Variants in LMO7 observed in about 807,000 individuals in gnomAD.
LMO7 encodes the protein LIM domain only protein 7.
Under a neutral mutation model 206.5 loss-of-function variants are expected in LMO7, and 120 were observed. The observed-to-expected ratio is 0.58, with a 90% CI of 0.50 to 0.68. The LOEUF (loss-of-function observed/expected upper bound fraction) is 0.68, where lower values mean the gene tolerates loss of function less well. Among genes scored for constraint, LMO7 ranks in the 30% least tolerant of loss-of-function variants. LMO7 has a pLI of 0.00. For missense variants in LMO7, 1,959 were observed against 1,957.9 expected (o/e 1.00, Z -0.01); for synonymous variants, 706 against 681.5 (o/e 1.04, Z -0.56).
intron 3 of LMO7, among the ~76,000 whole-genome samples, chr13:75,733,334 G>A (rs1377276738): frequency 1.3e-5 from 2 of 152,236 alleles, no homozygotes; most frequent in East Asian, 1.9e-4. Context: ...GCAATGGCGG[G>A]CGCCCCTCCC....
At chr13:75,852,826 G>A (rs1326052200) in intron 27 of LMO7, among the ~76,000 whole-genome samples, 1 of 152,152 alleles carries the variant, frequency 6.6e-6, no homozygotes, top group African/African-American at 2.4e-5. Context: ...GCATGATTGA[G>A]GTGGATTAGG....
Position 75,838,168 on chromosome 13 carries a change from A to G in LMO7, c.3423A>G (p.Leu1141=). The change falls in exon 20 of 31, where the codon TTA becomes TTG. Residue 1141 remains leucine (L), a synonymous_variant. Transcript: ENST00000377534. The part of the protein sequence containing the change: ...KASESISLKN[L]KRRSQFFEQG... ...CTGAATCCATTTCTTTGAAAAACTTAAAAAGGCGATCACAATTTTTTGAAC... is the reference window on the plus strand; with the variant it reads ...CTGAATCCATTTCTTTGAAAAACTTGAAAAGGCGATCACAATTTTTTGAAC... 6.2e-7 allele frequency: 1 copy of G among 1,604,516 alleles called. No individual in the cohort carries two copies. Among genetic ancestry groups the G allele is most frequent in the Non-Finnish European group, 8.5e-7 (1 of 1,171,588 alleles).
In LMO7 at chr13:75,821,122, C is replaced by T; in HGVS notation, c.2208-55C>T. ...TCATGCGTTGATTACTCTCTCACCA[C>T]CTCTGTGTGTCAAATGTGTGTCTTT... On this transcript the variant is annotated intron_variant, in intron 13 of 30. Coordinates refer to ENST00000377534, the MANE Select transcript of LMO7 (RefSeq NM_001306080.2). 3.6e-6 allele frequency: 5 copies of T among 1,402,896 alleles called. No homozygotes were observed. In the South Asian group the frequency reaches 5.6e-5, roughly 16 times the overall value. 86.9% of individuals were successfully genotyped at this position (1,402,896 alleles called of 1,614,324 possible).
chr13:75,733,106 G>A (rs192829301), intron 3 of LMO7, among the ~76,000 whole-genome samples: 2,430 of 152,320 alleles, frequency 0.016, 30 homozygotes, highest in Non-Finnish European at 0.023. Flanking sequence ...CAGTCTCCCC[G>A]TTCTCAGATC....
chr13:75,779,863 C>G (rs1344889498), intron 4 of LMO7, among the ~76,000 whole-genome samples: 1 of 151,864 alleles, frequency 6.6e-6, no homozygotes, highest in Non-Finnish European at 1.5e-5. Context: ...TTCTATTTTC[C>G]CTAAGTGTCA....
At chr13:75,813,313 G>A (rs748998696) in intron 11 of LMO7, among the ~76,000 whole-genome samples, 1 of 152,196 alleles carries the variant, frequency 6.6e-6, no homozygotes, top group Non-Finnish European at 1.5e-5. Flanking sequence ...AAACAATCAT[G>A]TTTGCTTTAA....
chr13:75,656,819 T>C (rs2139205743), intron 1 of LMO7, among the ~76,000 whole-genome samples: 1 of 152,332 alleles, frequency 6.6e-6, no homozygotes, highest in Admixed American at 6.5e-5. Context: ...ATTAGACTTC[T>C]GGAGCCTCCT....
intron 3 of LMO7, among the ~76,000 whole-genome samples, chr13:75,728,169 T>G (rs1204071537): frequency 1.3e-5 from 2 of 152,198 alleles, no homozygotes; most frequent in Admixed American, 6.5e-5. Flanking sequence ...AAATGGTATT[T>G]CTCGTTCTAG....
At chr13:75,639,357 A>G (rs1416658459) in intron 1 of LMO7, among the ~76,000 whole-genome samples, 2 of 152,222 alleles carry the variant, frequency 1.3e-5, no homozygotes, top group Admixed American at 6.5e-5. Context: ...TAATTTTGCA[A>G]TTCAAAGCAA....
chr13:75,663,466 T>C (rs897760134), intron 1 of LMO7, among the ~76,000 whole-genome samples: 2 of 137,568 alleles, frequency 1.5e-5, no homozygotes. Context: ...AGCCTCGCTC[T>C]GTCGCCCAGG....
intron 1 of LMO7, among the ~76,000 whole-genome samples, chr13:75,668,210 A>G (rs1275772132): frequency 6.6e-6 from 1 of 152,146 alleles, no homozygotes; most frequent in African/African-American, 2.4e-5. Flanking sequence ...TCTGTCTCGA[A>G]AAAGAACCAA....
At chr13:75,753,695 C>G (rs1284352621) in intron 3 of LMO7, among the ~76,000 whole-genome samples, 1 of 152,166 alleles carries the variant, frequency 6.6e-6, no homozygotes, top group Non-Finnish European at 1.5e-5. Context: ...ACTTCTCCTT[C>G]CTTCTGCCAT....
chr13:75,658,646 C>T (rs563437395), intron 1 of LMO7, among the ~76,000 whole-genome samples: 75 of 152,202 alleles, frequency 4.9e-4, no homozygotes, highest in African/African-American at 1.1e-3. Flanking sequence ...TGCAGTGGCG[C>T]GATCTCGGCT....
rs149975369 is a variant in LMO7, at chr13:75,639,499, A to C, written c.69+2773A>C. 6.6e-4 allele frequency among the ~76,000 whole-genome samples: 100 copies of C among 152,352 alleles called. 1 individual carries two copies. Among genetic ancestry groups the C allele is most frequent in the African/African-American group, 2.3e-3 (96 of 41,586 alleles). On this transcript the variant is annotated intron_variant, in intron 1 of 30. Coordinates refer to ENST00000377534, the MANE Select transcript of LMO7 (RefSeq NM_001306080.2). ...ATTAAACACTGGTTTAAAACCAAGT[A>C]ATGGTTTCAAGGCAAAGGCAGAGGA...
intron 2 of LMO7, chr13:75,627,957 A>T (rs2034432429): frequency 9.1e-5 from 1 of 11,018 alleles, no homozygotes; most frequent in African/African-American, 2.5e-4. Flanking sequence ...CTACTTGTTA[A>T]AAAAAAAAAA....
At chr13:75,705,424 G>A (rs774358998) in intron 1 of LMO7, among the ~76,000 whole-genome samples, 1 of 152,116 alleles carries the variant, frequency 6.6e-6, no homozygotes, top group Non-Finnish European at 1.5e-5. Context: ...TTTTAGGTGG[G>A]GATGATTTTA....
chr13:75,822,006 T>G (rs112682704), intron 14 of LMO7, among the ~76,000 whole-genome samples: 182 of 152,340 alleles, frequency 1.2e-3, no homozygotes, highest in African/African-American at 4.3e-3. Context: ...GATTTTCAGG[T>G]GCTTATGTAC....
chr13:75,772,898 A>AG (rs763202244), intron 4 of LMO7, among the ~76,000 whole-genome samples: 5 of 152,090 alleles, frequency 3.3e-5, no homozygotes, highest in Non-Finnish European at 7.4e-5. Context: ...CTGATTCATT[A>AG]GGTCTGGGGC....
intron 1 of LMO7, among the ~76,000 whole-genome samples, chr13:75,673,568 TG>T (rs1327533392): frequency 1.3e-5 from 2 of 152,190 alleles, no homozygotes; most frequent in Non-Finnish European, 2.9e-5. Flanking sequence ...ATACTGAGGA[TG>T]GACCTGGGAC....
Sources: gnomAD v4.1 joint callset for allele counts (sites outside exome capture counted in the v4.1 genomes callset) on GRCh38, gnomAD v4.1.1 for gene constraint, MANE v1.5 for transcripts, NCBI Gene and HGNC (gene_info 2026-07-23, HGNC 2026-07-21) for gene names.